MYH11: variants seen among roughly 807,000 people sequenced by gnomAD.
MYH11 encodes myosin-11.
MYH11 carries 80 observed loss-of-function variants against 246.6 expected under a neutral mutation model. The ratio of observed to expected loss-of-function variants is 0.32; its 90% CI spans 0.27 to 0.39. The LOEUF (loss-of-function observed/expected upper bound fraction) is 0.39. Ranked by LOEUF, MYH11 falls within the 10% of genes least tolerant of loss-of-function variation. The pLI is 1.00. For synonymous variants in MYH11, 1,071 were observed against 1,015.5 expected (o/e 1.05, Z -1.04); for missense variants, 2,158 against 2,546.8 (o/e 0.85, Z 3.29).
chr16:15,732,811 C>T (rs1261452665), intron 26 of MYH11, 103 bp from the exon 27 acceptor site: 2 of 1,382,710 alleles, frequency 1.4e-6, no homozygotes, highest in Non-Finnish European at 2.0e-6. Flanking sequence ...GAGCTGCAGT[C>T]CTCATCACCA....
chr16:15,814,882 G>A (rs984783339), intron 3 of MYH11, among the ~76,000 whole-genome samples: 2 of 152,016 alleles, frequency 1.3e-5, no homozygotes, highest in South Asian at 2.1e-4. Context: ...GTCCTGGGGG[G>A]ACACCAGGAA....
chr16:15,825,730 C>G (rs915428960), intron 2 of MYH11, among the ~76,000 whole-genome samples: 1 of 151,998 alleles, frequency 6.6e-6, no homozygotes, highest in Non-Finnish European at 1.5e-5. Flanking sequence ...ACGGAGGAGT[C>G]AAGGCACAAG....
intron 1 of MYH11, among the ~76,000 whole-genome samples, chr16:15,848,115 A>G (rs933415643): frequency 6.6e-6 from 1 of 152,172 alleles, no homozygotes; most frequent in African/African-American, 2.4e-5. Flanking sequence ...ATTTAGCCAC[A>G]GATTTGCCAA....
chr16:15,730,787 C>A (rs770813011), intron 27 of MYH11, among the ~76,000 whole-genome samples: 1 of 152,134 alleles, frequency 6.6e-6, no homozygotes, highest in Non-Finnish European at 1.5e-5. Context: ...AAAAAACTTA[C>A]CCTGGGGAAT....
At chr16:15,707,930 C>T (rs1331737216) in intron 40 of MYH11, among the ~76,000 whole-genome samples, 1 of 148,262 alleles carries the variant, frequency 6.7e-6, no homozygotes, top group Non-Finnish European at 1.5e-5. Context: ...CAAGATTGCG[C>T]CATTGCACTC....
chr16:15,729,550 ATT>A (rs35507327), intron 27 of MYH11, among the ~76,000 whole-genome samples: 141 of 136,952 alleles, frequency 1.0e-3, no homozygotes, highest in Non-Finnish European at 1.3e-3. Flanking sequence ...TCCAACCATA[ATT>A]TTTTTTTTTT....
intron 1 of MYH11, among the ~76,000 whole-genome samples, chr16:15,854,024 C>T (rs1428554176): frequency 6.6e-6 from 1 of 152,148 alleles, no homozygotes; most frequent in Non-Finnish European, 1.5e-5. Context: ...GAGCAAGACT[C>T]TGTCTCAAAA....
At chr16:15,735,313 C>G in intron 26 of MYH11, 53 bp downstream of exon 26, 1 of 1,567,668 alleles carries the variant, frequency 6.4e-7, no homozygotes, top group South Asian at 1.1e-5. Flanking sequence ...CTTCTGCCCC[C>G]ATCCCATTGG....
In MYH11 at chr16:15,786,015, G is replaced by C. The variant is rs187832212; in HGVS notation, c.633+615C>G. ...CAATCCACAGTTACTGAATGGCATTGCACTGAAGCCCACGGGCCGAGTGAT... is the reference window on the plus strand; with the variant it reads ...CAATCCACAGTTACTGAATGGCATTCCACTGAAGCCCACGGGCCGAGTGAT... On this transcript the variant is annotated intron_variant, in intron 5 of 40. Transcript: ENST00000300036. 7.3e-5 allele frequency: 17 copies of C among 232,688 alleles called. 1 individual carries two copies. The Admixed American group carries it at 8.2e-4, about 11-fold the overall frequency. 14.4% of individuals were successfully genotyped at this position (232,688 alleles called of 1,614,324 possible).
At chr16:15,774,447 C>T (rs2042174397) in intron 8 of MYH11, among the ~76,000 whole-genome samples, 1 of 152,200 alleles carries the variant, frequency 6.6e-6, no homozygotes, top group African/African-American at 2.4e-5. Context: ...CAACATTTTT[C>T]CCTGGCCCAT....
intron 25 of MYH11, among the ~76,000 whole-genome samples, chr16:15,735,782 C>T (rs2041100550): frequency 6.6e-6 from 1 of 152,194 alleles, no homozygotes; most frequent in Non-Finnish European, 1.5e-5. Flanking sequence ...GACATCAAAA[C>T]AGGTTGTACA....
chr16:15,840,849 T>TA (rs1049946978), intron 1 of MYH11, among the ~76,000 whole-genome samples: 6 of 152,210 alleles, frequency 3.9e-5, no homozygotes, highest in Non-Finnish European at 8.8e-5. Context: ...GCTGTACACT[T>TA]AAAAAAACTT....
At chr16:15,816,872 C>T (rs1393481803) in intron 3 of MYH11, among the ~76,000 whole-genome samples, 1 of 151,068 alleles carries the variant, frequency 6.6e-6, no homozygotes, top group Non-Finnish European at 1.5e-5. Context: ...TCAAAAATTA[C>T]TTGACTCTAA....
chr16:15,763,970 T>C, intron 9 of MYH11, 79 bp from the exon 10 acceptor site: 1 of 1,115,186 alleles, frequency 9.0e-7, no homozygotes, highest in East Asian at 2.3e-5. Flanking sequence ...CTAAAGCCAC[T>C]GGGGACCCAG....
chr16:15,705,219 C>T (rs1170614148), intron 40 of MYH11, among the ~76,000 whole-genome samples: 1 of 152,176 alleles, frequency 6.6e-6, no homozygotes, highest in Non-Finnish European at 1.5e-5. Context: ...TGGCCTCAAA[C>T]GATCCACCTG....
chr16:15,718,699 C>G, intron 36 of MYH11: 1 of 565,726 alleles, frequency 1.8e-6, no homozygotes, highest in Non-Finnish European at 3.1e-6. Flanking sequence ...CTCCCCTTCT[C>G]CCCACACAGC....
chr16:15,741,549 G>T lies in MYH11; in HGVS notation c.2773C>A (p.His925Asn), dbSNP rs756452596. Residue 925 changes from histidine to asparagine, a missense_variant, in exon 22 of 41, where the codon CAT (histidine) becomes AAT (asparagine). Physicochemically the swap from His to Asn is moderately conservative, Grantham distance 68. Coordinates refer to ENST00000300036, the MANE Select transcript of MYH11 (RefSeq NM_002474.3). ...AKKQELEEIL[H>N]EMEARLEEEE... ...TCCTCCAGGCGGGCCTCCATCTCAT[G>T]CAGTATCTCCTCCAGCTCCTGCTTC... The T allele has an allele frequency of 6.2e-7, 1 of 1,610,932 alleles. No individual in the cohort carries two copies. The highest frequency in any genetic ancestry group is 1.1e-5 in the South Asian group (1 of 91,088).
intron 1 of MYH11, among the ~76,000 whole-genome samples, chr16:15,853,449 G>A (rs2044380338): frequency 6.6e-6 from 1 of 152,016 alleles, no homozygotes; most frequent in South Asian, 2.1e-4. Flanking sequence ...GCCATACCTG[G>A]CCTCTATGGC....
At chr16:15,769,493 A>C (rs1412875500) in intron 9 of MYH11, among the ~76,000 whole-genome samples, 1 of 151,770 alleles carries the variant, frequency 6.6e-6, no homozygotes, top group Non-Finnish European at 1.5e-5. Context: ...GAGTGGTGTG[A>C]TCTCGGCTCA....
Sources: gnomAD v4.1 joint callset for allele counts (sites outside exome capture counted in the v4.1 genomes callset) on GRCh38, gnomAD v4.1.1 for gene constraint, MANE v1.5 for transcripts, NCBI Gene and HGNC (gene_info 2026-07-23, HGNC 2026-07-21) for gene names.